The following PHLDB2 variants were observed in gnomAD, a reference collection of about 807,000 sequenced individuals.
PHLDB2 encodes the protein pleckstrin homology like domain family B member 2.
In PHLDB2, 71 loss-of-function variants were observed where a neutral mutation model predicts 123.6. The observed-to-expected ratio is 0.57, with a 90% confidence interval of 0.47 to 0.70. PHLDB2 has a LOEUF of 0.70. Ranked by LOEUF, PHLDB2 falls within the 30% of genes least tolerant of loss-of-function variation. The pLI is 0.00. For missense variants in PHLDB2, 1,446 were observed against 1,519.5 expected (o/e 0.95, Z 0.80); for synonymous variants, 547 against 541.6 (o/e 1.01, Z -0.14).
rs149587124 is a variant in PHLDB2, at chr3:111,924,568, C to T, written c.2001+4149C>T. On this transcript the variant is annotated intron_variant, in intron 5 of 17. Transcript: ENST00000431670. Reference sequence around the variant, plus strand: ...GGAGGCCTGTAGTCACACGGCCCATCATGCCAAAGCGTAAGACAGAAGGAG... The same window carrying T: ...GGAGGCCTGTAGTCACACGGCCCATTATGCCAAAGCGTAAGACAGAAGGAG... 4.0e-3 allele frequency among the ~76,000 whole-genome samples: 604 copies of T among 152,234 alleles called. 1 individual carries two copies. Among genetic ancestry groups the T allele is most frequent in the Non-Finnish European group, 6.4e-3 (434 of 67,918 alleles).
intron 1 of PHLDB2, among the ~76,000 whole-genome samples, chr3:111,765,384 C>T (rs974647381): frequency 1.3e-5 from 2 of 152,226 alleles, no homozygotes; most frequent in African/African-American, 4.8e-5. Flanking sequence ...CTGCCACCCC[C>T]ACAGGCTTCT....
chr3:111,930,582 A>G (rs961138465), intron 5 of PHLDB2, among the ~76,000 whole-genome samples: 4 of 152,164 alleles, frequency 2.6e-5, no homozygotes, highest in Non-Finnish European at 1.5e-5. Flanking sequence ...CCAGAGGACA[A>G]CAGATATTCT....
At chr3:111,732,780 T>A in intron 1 of PHLDB2, 4 of 1,290,024 alleles carry the variant, frequency 3.1e-6, no homozygotes, top group Non-Finnish European at 2.2e-6. Context: ...GTCACCAGAG[T>A]GTTTCTGAGG....
rs541092985 is a variant in PHLDB2, at chr3:111,867,714, T to G, written c.-15+8138T>G. ...GTCTTTTTTTAATTTTAATTTTTAT[T>G]TTTTTGAGATAGGGTCTTGCTCTGT... On this transcript the variant is annotated intron_variant, in intron 1 of 17. Transcript: ENST00000431670. Among the ~76,000 whole-genome samples, 527 of 152,290 alleles carry G rather than the reference T, an allele frequency of 3.5e-3. 4 individuals carry two copies. Among genetic ancestry groups the G allele is most frequent in the African/African-American group, 0.012 (503 of 41,544 alleles).
chr3:111,970,242 C>T (rs975461782), intron 16 of PHLDB2, among the ~76,000 whole-genome samples: 1 of 152,044 alleles, frequency 6.6e-6, no homozygotes, highest in African/African-American at 2.4e-5. Context: ...CTGTTTTAAT[C>T]CATTCTTTAT....
rs1371697229 is a variant in PHLDB2, at chr3:111,779,046, G to A, written c.-49+46343G>A. On this transcript the variant is annotated intron_variant, in intron 1 of 17. Transcript: ENST00000393923. ...AGCATCAGAATCACCTGGAGGGTAT[G>A]TAAAACTCAGGTTTCTGGGCCCTAC... Among the ~76,000 whole-genome samples the A allele has an allele frequency of 2.6e-5, 4 of 152,172 alleles. No individual in the cohort carries two copies. In the East Asian group the frequency reaches 7.7e-4, roughly 29 times the overall value.
intron 1 of PHLDB2, among the ~76,000 whole-genome samples, chr3:111,797,312 T>G (rs2061199343): frequency 6.6e-6 from 1 of 152,204 alleles, no homozygotes; most frequent in South Asian, 2.1e-4. Flanking sequence ...AAAAGAAAGA[T>G]GTGGAACTTT....
At chr3:111,898,182 T>TGTGTTTGTGTGTG (rs1553747095) in intron 2 of PHLDB2, among the ~76,000 whole-genome samples, 1 of 142,552 alleles carries the variant, frequency 7.0e-6, no homozygotes, top group East Asian at 2.0e-4. Flanking sequence ...GTGTGTGTGT[T>TGTGTTTGTGTGTG]TGTGTGTGTG....
chr3:111,814,923 G>C (rs1448292443), intron 1 of PHLDB2, among the ~76,000 whole-genome samples: 1 of 152,304 alleles, frequency 6.6e-6, no homozygotes, highest in Non-Finnish European at 1.5e-5. Flanking sequence ...AACTTCCACA[G>C]TTCCCACGTA....
At chr3:111,818,450 C>G (rs2062203925) in intron 1 of PHLDB2, among the ~76,000 whole-genome samples, 3 of 152,134 alleles carry the variant, frequency 2.0e-5, no homozygotes, top group Non-Finnish European at 2.9e-5. Context: ...GGTACAAAGT[C>G]TCAAATCTTC....
chr3:111,775,097 G>T (rs1381727752), intron 1 of PHLDB2, among the ~76,000 whole-genome samples: 1 of 152,056 alleles, frequency 6.6e-6, no homozygotes, highest in African/African-American at 2.4e-5. Context: ...CAGTGAACAG[G>T]GGAGTCAATT....
intron 2 of PHLDB2, among the ~76,000 whole-genome samples, chr3:111,907,336 C>A (rs1176794470): frequency 6.6e-6 from 1 of 152,154 alleles, no homozygotes; most frequent in Admixed American, 6.5e-5. Context: ...AAGACACACA[C>A]GGGGCAGAGT....
chr3:111,755,926 G>C (rs1244203169), intron 1 of PHLDB2, among the ~76,000 whole-genome samples: 1 of 151,094 alleles, frequency 6.6e-6, no homozygotes, highest in East Asian at 1.9e-4. Context: ...AGTCATTCAG[G>C]AGCAGGTTGT....
At chr3:111,922,008 T>C (rs1005091130) in intron 5 of PHLDB2, among the ~76,000 whole-genome samples, 1 of 152,268 alleles carries the variant, frequency 6.6e-6, no homozygotes, top group Non-Finnish European at 1.5e-5. Flanking sequence ...ATTCAGTTAA[T>C]GGCTATGCTT....
chr3:111,916,557 A>G (rs1263616453), intron 3 of PHLDB2: 2 of 152,226 alleles, frequency 1.3e-5, no homozygotes, highest in Non-Finnish European at 2.9e-5. Flanking sequence ...AACTATACAG[A>G]ACAATCTTAA....
At position 111,932,740 on chromosome 3, in the gene PHLDB2, A is replaced by G. The variant is rs187948372; in HGVS notation, c.2130+343A>G. Among the ~76,000 whole-genome samples, 958 of 152,262 alleles carry G rather than the reference A, an allele frequency of 6.3e-3. 13 individuals carry two copies. Among genetic ancestry groups the G allele is most frequent in the African/African-American group, 0.022 (917 of 41,548 alleles). On this transcript the variant is annotated intron_variant, in intron 6 of 17. Transcript: ENST00000431670. ...CTTCCCCTGCATTCTCTGCTGCATC[A>G]TGAATCCTATTTACCCTTGAATGTT...
At chr3:111,865,334 T>G (rs1467843456) in intron 1 of PHLDB2, among the ~76,000 whole-genome samples, 2 of 152,240 alleles carry the variant, frequency 1.3e-5, no homozygotes, top group African/African-American at 2.4e-5. Flanking sequence ...TTTCCCACTA[T>G]GTTATGCTAA....
intron 1 of PHLDB2, among the ~76,000 whole-genome samples, chr3:111,808,959 T>C (rs533893802): frequency 6.6e-6 from 1 of 152,322 alleles, no homozygotes; most frequent in East Asian, 1.9e-4. Flanking sequence ...TTAAAGTCAT[T>C]AGTACATACA....
intron 4 of PHLDB2, 112 bp downstream of exon 4, chr3:111,919,327 A>G (rs1034516087): frequency 1.8e-6 from 2 of 1,103,612 alleles, no homozygotes; most frequent in Admixed American, 2.1e-5. Flanking sequence ...AACACAAGCA[A>G]ACATTTATTC....
Sources: gnomAD v4.1 joint callset for allele counts (sites outside exome capture counted in the v4.1 genomes callset) on GRCh38, gnomAD v4.1.1 for gene constraint, MANE v1.5 for transcripts, NCBI Gene and HGNC (gene_info 2026-07-23, HGNC 2026-07-21) for gene names.